Variants in ACO2 observed in about 807,000 individuals in gnomAD.
ACO2 encodes the protein aconitate hydratase, mitochondrial.
Under a neutral mutation model 84.5 loss-of-function variants are expected in ACO2, and 31 were observed. That is an observed-to-expected ratio of 0.37 (90% CI 0.28 to 0.50). ACO2 has a LOEUF of 0.50. ACO2 is among the 20% of genes least tolerant of loss of function. ACO2 has a pLI of 0.97. For missense variants in ACO2, 685 were observed against 1,029.3 expected (o/e 0.67, Z 4.58); for synonymous variants, 414 against 412.7 (o/e 1.00, Z -0.04).
chr22:41,528,699 C>A lies in ACO2; in HGVS notation c.*86C>A. 6.5e-7 allele frequency: 1 copy of A among 1,529,558 alleles called. No individual in the cohort carries two copies. Among genetic ancestry groups the A allele is most frequent in the South Asian group, 1.2e-5 (1 of 80,978 alleles). 94.7% of individuals were successfully genotyped at this position (1,529,558 alleles called of 1,614,324 possible). A position where few individuals can be genotyped will look rare whatever the true frequency, so the allele number is the denominator to read the frequency against. ...GATCCGATCCGTCCAGCCATGGCTT[C>A]CTATTCCAAGATGGTGTGACCAGAC... On this transcript the variant is annotated 3_prime_UTR_variant, in exon 18 of 18. Transcript: ENST00000216254.
Position 41,507,848 on chromosome 22 carries a change from C to T in ACO2, c.231C>T (p.Pro77=), listed in dbSNP as rs150593227. 6.9e-4 allele frequency: 1,115 copies of T among 1,614,184 alleles called. 9 individuals are homozygous for T. The African/African-American group carries it at 1.0e-2, about 14-fold the overall frequency. Residue 77 remains proline, a synonymous_variant, in exon 3 of 18, where the codon CCC becomes CCT. Transcript: ENST00000216254. ...EKIVYGHLDD[P]ASQEIERGKS... is the part of the protein sequence containing the mutation. ...TTGTGTATGGACACCTGGATGACCC[C>T]GCCAGCCAGGAAATTGAGCGAGGCA...
chr22:41,526,138 C>T, intron 14 of ACO2, 124 bp from the exon 15 acceptor site: 3 of 788,734 alleles, frequency 3.8e-6, no homozygotes, highest in South Asian at 1.8e-5. Flanking sequence ...TGAAGACTTG[C>T]CTGCCTCTCA....
Position 41,518,487 on chromosome 22 carries a change from C to A in ACO2, c.947C>A (p.Ala316Asp). The A allele has an allele frequency of 6.2e-7, 1 of 1,612,812 alleles. No individual in the cohort carries two copies. Among genetic ancestry groups the A allele is most frequent in the South Asian group, 1.1e-5 (1 of 91,032 alleles). ...YLSKTGREDI[A>D]NLADEFKDHL... Reference sequence around the variant, plus strand: ...CGTCCCTTGTTGATTTCAGACATTGCCAATCTAGCTGATGAATTCAAGGAT... The same window carrying A: ...CGTCCCTTGTTGATTTCAGACATTGACAATCTAGCTGATGAATTCAAGGAT... Residue 316 changes from alanine to aspartate, a missense_variant, in exon 8 of 18, where the codon GCC becomes GAC. By Grantham distance (126) the Ala-to-Asp change is moderately radical. This residue lies in a region of ACO2 where 311 missense variants were observed against 441.6 expected (regional missense o/e 0.70). Coordinates refer to ENST00000216254, the MANE Select transcript of ACO2 (RefSeq NM_001098.3).
At chr22:41,516,511 T>C (rs954601168) in intron 6 of ACO2, among the ~76,000 whole-genome samples, 1 of 152,106 alleles carries the variant, frequency 6.6e-6, no homozygotes, top group African/African-American at 2.4e-5. Context: ...CTGCCTGGGC[T>C]CCCTGGCAGC....
At chr22:41,523,350 A>T in intron 11 of ACO2, 72 bp downstream of exon 11, 1 of 1,240,674 alleles carries the variant, frequency 8.1e-7, no homozygotes, top group Admixed American at 2.2e-5. Flanking sequence ...TGGAGGGGGA[A>T]TTATTGGGGT....
chr22:41,494,756 CAG>C (rs2066301045), intron 1 of ACO2, among the ~76,000 whole-genome samples: 1 of 148,452 alleles, frequency 6.7e-6, no homozygotes, highest in African/African-American at 2.5e-5. Flanking sequence ...TTTTTTGAGA[CAG>C]AGTCTCACTC....
intron 4 of ACO2, 96 bp downstream of exon 4, chr22:41,512,064 A>AG: frequency 1.2e-6 from 1 of 867,822 alleles, no homozygotes; most frequent in Non-Finnish European, 1.7e-6. Flanking sequence ...AGGGGGGCTG[A>AG]GGGGAACTGG....
At chr22:41,518,398 C>A in intron 7 of ACO2, 83 bp from the exon 8 acceptor site, 2 of 1,040,306 alleles carry the variant, frequency 1.9e-6, no homozygotes, top group Non-Finnish European at 3.0e-6. Flanking sequence ...TGGTGTTTGG[C>A]AGGTGCTCAG....
intron 1 of ACO2, among the ~76,000 whole-genome samples, chr22:41,489,789 G>C (rs1032277861): frequency 4.6e-5 from 7 of 151,836 alleles, no homozygotes; most frequent in Non-Finnish European, 7.4e-5. Context: ...ATCAGATCCT[G>C]CTATTGTAAA....
intron 1 of ACO2, among the ~76,000 whole-genome samples, chr22:41,492,884 C>T (rs1209536621): frequency 6.6e-6 from 1 of 152,154 alleles, no homozygotes; most frequent in Non-Finnish European, 1.5e-5. Flanking sequence ...GCGGAGGTTG[C>T]AGTGAGACGA....
intron 8 of ACO2, 61 bp from the exon 9 acceptor site, chr22:41,520,110 G>A: frequency 6.9e-7 from 1 of 1,453,464 alleles, no homozygotes; most frequent in Non-Finnish European, 9.6e-7. Flanking sequence ...GAAAGAGGCT[G>A]TCCCCGCTTC....
intron 2 of ACO2, among the ~76,000 whole-genome samples, chr22:41,504,711 CTTTTTTTTTT>C (rs926246283): frequency 3.5e-4 from 17 of 48,588 alleles, no homozygotes; most frequent in African/African-American, 1.0e-3. Context: ...ACCTTAGGGA[CTTTTTTTTTT>C]TTTTTTTTTT....
At chr22:41,487,054 T>C (rs1016369784) in intron 1 of ACO2, among the ~76,000 whole-genome samples, 1 of 152,072 alleles carries the variant, frequency 6.6e-6, no homozygotes, top group Non-Finnish European at 1.5e-5. Context: ...CGGCTAATTT[T>C]TGTATTTTTG....
At chr22:41,475,237 A>T (rs562867820) in intron 1 of ACO2, among the ~76,000 whole-genome samples, 53 of 144,806 alleles carry the variant, frequency 3.7e-4, no homozygotes, top group African/African-American at 1.3e-3. Flanking sequence ...CAGTGGTGTA[A>T]TTATAGCTCA....
At chr22:41,525,735 C>G (rs565019678) in intron 14 of ACO2, 1 of 246,318 alleles carries the variant, frequency 4.1e-6, no homozygotes, top group African/African-American at 2.2e-5. Flanking sequence ...ACAACTCCTG[C>G]CCCCACAGTT....
At chr22:41,517,386 C>T (rs955877822) in intron 6 of ACO2, 141 bp from the exon 7 acceptor site, 36 of 691,154 alleles carry the variant, frequency 5.2e-5, no homozygotes, top group Non-Finnish European at 8.5e-5. Flanking sequence ...AGGGATGAGT[C>T]GGCCCGCTGT....
At chr22:41,526,480 C>T (rs1601933756) in intron 15 of ACO2, 27 bp downstream of exon 15, 1 of 1,597,978 alleles carries the variant, frequency 6.3e-7, no homozygotes, top group Non-Finnish European at 8.5e-7. Context: ...AGGGGCAATG[C>T]CAGTGGTCAC....
rs1204753106 is a variant in ACO2, at chr22:41,515,962, C to T, written c.835+45C>T. Reference sequence around the variant, plus strand: ...GACGTGGCCCCTACCCTGTGCTGGGCCTGATGGGTCTCCAGTTGGGAGTAG... The same window carrying T: ...GACGTGGCCCCTACCCTGTGCTGGGTCTGATGGGTCTCCAGTTGGGAGTAG... On this transcript the variant is annotated intron_variant, in intron 6 of 17. Coordinates refer to ENST00000216254, the MANE Select transcript of ACO2 (RefSeq NM_001098.3). The surrounding 1 kb of genome is among the most constrained non-coding windows in gnomAD (Gnocchi z 5.8). The T allele has an allele frequency of 2.5e-6, 4 of 1,590,926 alleles. No individual in the cohort carries two copies. The highest frequency in any genetic ancestry group is 1.7e-4 in the Middle Eastern group (1 of 6,038).
At chr22:41,511,639 C>T (rs1466005086) in intron 3 of ACO2, among the ~76,000 whole-genome samples, 1 of 152,252 alleles carries the variant, frequency 6.6e-6, no homozygotes, top group Non-Finnish European at 1.5e-5. Flanking sequence ...GGCCAGGTGT[C>T]ACAGAACTGG....
Sources: allele counts gnomAD v4.1 joint callset (sites outside exome capture counted in the v4.1 genomes callset), GRCh38; gene constraint gnomAD v4.1.1; regional missense constraint gnomAD v4.1.1; non-coding constraint Gnocchi (gnomAD v3.1); transcripts MANE v1.5; gene names NCBI Gene and HGNC (gene_info 2026-07-23, HGNC 2026-07-21).